CPA6: variants seen among roughly 807,000 people sequenced by gnomAD.
CPA6 encodes carboxypeptidase B.
A neutral mutation model predicts 63.3 loss-of-function variants in CPA6; 58 were observed. The observed-to-expected ratio is 0.92, with a 90% CI of 0.74 to 1.14. The LOEUF is 1.14. Among genes scored for constraint, CPA6 ranks in the 50% most tolerant of loss-of-function variants. The probability of loss-of-function intolerance (pLI) is 0.00; values close to 1 mark genes in which losing one functional copy is unlikely to be tolerated. For synonymous variants in CPA6, 185 were observed against 179.0 expected, an observed-to-expected ratio of 1.03 and a Z score of -0.27; for missense variants, 565 against 526.6, an observed-to-expected ratio of 1.07 and a Z score of -0.71.
chr8:67,542,168 T>G (rs1223541497), intron 2 of CPA6, among the ~76,000 whole-genome samples: 1 of 152,256 alleles, frequency 6.6e-6, no homozygotes, highest in Non-Finnish European at 1.5e-5. Context: ...CACAGGAATC[T>G]ACCTTTTTAA....
At chr8:67,441,458 C>T (rs914469670) in intron 8 of CPA6, among the ~76,000 whole-genome samples, 4 of 152,064 alleles carry the variant, frequency 2.6e-5, no homozygotes, top group African/African-American at 9.7e-5. Context: ...GACAAAAATA[C>T]CAGCCCCAGG....
At chr8:67,688,485 G>C (rs935241926) in intron 1 of CPA6, among the ~76,000 whole-genome samples, 1 of 152,118 alleles carries the variant, frequency 6.6e-6, no homozygotes, top group Non-Finnish European at 1.5e-5. Context: ...AAAATCGAAA[G>C]CTTAGAAACA....
chr8:67,637,211 C>T lies in CPA6; in HGVS notation c.117-12960G>A, dbSNP rs1206705437. 5.3e-5 allele frequency among the ~76,000 whole-genome samples: 8 copies of T among 151,726 alleles called. No individual in the cohort carries two copies. In the East Asian group the frequency reaches 7.7e-4, roughly 15 times the overall value. On this transcript the variant is annotated intron_variant, in intron 1 of 10. Coordinates refer to ENST00000297770, the MANE Select transcript of CPA6 (RefSeq NM_020361.5). The stretch of plus-strand genomic sequence containing the variant: ...TCACTTTATAACAGAAATTTTCTCA[C>T]GGTAGCTCACATGTAATGGTTGATC...
chr8:67,595,542 C>T lies in CPA6; in HGVS notation c.192+28634G>A, dbSNP rs999318795. 1.8e-4 allele frequency among the ~76,000 whole-genome samples: 27 copies of T among 152,342 alleles called. 1 individual carries two copies. Among genetic ancestry groups the T allele is most frequent in the East Asian group, 1.7e-3 (9 of 5,168 alleles). ...GAGCTGTGGTGGGCTCCACCCAGTT[C>T]GAGCTTCCCGGCTGCTTTGTTTACC... On this transcript the variant is annotated intron_variant, in intron 2 of 10. Transcript: ENST00000297770.
intron 1 of CPA6, among the ~76,000 whole-genome samples, chr8:67,687,908 C>T (rs1393717675): frequency 6.6e-6 from 1 of 152,034 alleles, no homozygotes; most frequent in African/African-American, 2.4e-5. Flanking sequence ...TACAGTCAGC[C>T]CTAAGTAAGG....
chr8:67,422,411 G>T lies in CPA6; in HGVS notation c.*93C>A. On this transcript the variant is annotated 3_prime_UTR_variant, in exon 11 of 11. Transcript: ENST00000297770. ...AAGTCCATAGACATGTTCACTCTAAGCAGCTGCCCTTCTCTTTGAAAACAA... is the reference window on the plus strand; with the variant it reads ...AAGTCCATAGACATGTTCACTCTAATCAGCTGCCCTTCTCTTTGAAAACAA... 1 of 1,083,626 alleles carries T rather than the reference G, an allele frequency of 9.2e-7. No individual in the cohort carries two copies. The highest frequency in any genetic ancestry group is 1.4e-6 in the Non-Finnish European group (1 of 737,580). The allele number at this position is 1,083,626 out of a possible 1,614,324, so 67.1% of individuals were successfully genotyped here. A position where few individuals can be genotyped will look rare whatever the true frequency, so the allele number is the denominator to read the frequency against.
At chr8:67,453,694 TCTAACACC>T (rs1009366411) in intron 8 of CPA6, among the ~76,000 whole-genome samples, 1 of 151,864 alleles carries the variant, frequency 6.6e-6, no homozygotes, top group African/African-American at 2.4e-5. Flanking sequence ...TGGCGTCTTC[TCTAACACC>T]CTGAGGCTGG....
intron 8 of CPA6, among the ~76,000 whole-genome samples, chr8:67,439,973 G>A (rs756843556): frequency 6.6e-6 from 1 of 152,120 alleles, no homozygotes; most frequent in Non-Finnish European, 1.5e-5. Context: ...AAAAAAGTGT[G>A]GTGTAAGTAG....
rs149801851 is a variant in CPA6, at chr8:67,474,617, A to T, written c.838+9151T>A. 1.4e-4 allele frequency among the ~76,000 whole-genome samples: 21 copies of T among 152,274 alleles called. No homozygotes were observed. The East Asian group carries it at 3.5e-3, about 25-fold the overall frequency. On this transcript the variant is annotated intron_variant, in intron 8 of 10. Coordinates refer to ENST00000297770, the MANE Select transcript of CPA6 (RefSeq NM_020361.5). The stretch of plus-strand genomic sequence containing the variant: ...CCTATGCCCATAATGCACACTACTG[A>T]CTTCATTCTTAGAGAAACTGAAAGG...
chr8:67,423,344 C>T (rs1809810960), intron 10 of CPA6, among the ~76,000 whole-genome samples: 1 of 152,238 alleles, frequency 6.6e-6, no homozygotes. Context: ...CTTGGCCTCC[C>T]AAAGTGCTGG....
intron 9 of CPA6, chr8:67,429,684 T>A (rs1809975234): frequency 6.6e-6 from 1 of 152,170 alleles, no homozygotes; most frequent in Admixed American, 6.5e-5. Flanking sequence ...GATTTTAACA[T>A]CTTCTCCAAC....
At chr8:67,535,772 T>C (rs1016231882) in intron 2 of CPA6, among the ~76,000 whole-genome samples, 16 of 152,224 alleles carry the variant, frequency 1.1e-4, no homozygotes, top group Non-Finnish European at 5.9e-5. Flanking sequence ...AGTCATGAAG[T>C]ATTTGCCCAC....
At chr8:67,524,613 C>CATTTTT (rs1554670781) in intron 2 of CPA6, among the ~76,000 whole-genome samples, 3 of 149,814 alleles carry the variant, frequency 2.0e-5, no homozygotes, top group Non-Finnish European at 1.5e-5. Context: ...TTTGAAAAAA[C>CATTTTT]TTTTTTTGTT....
chr8:67,512,122 A>G (rs1012853048), intron 3 of CPA6, among the ~76,000 whole-genome samples: 1 of 152,198 alleles, frequency 6.6e-6, no homozygotes, highest in African/African-American at 2.4e-5. Context: ...ATATCCCTCT[A>G]CTGGTCAGTG....
Position 67,737,610 on chromosome 8 carries a change from C to A in CPA6, c.116+8404G>T, listed in dbSNP as rs927630109. Among the ~76,000 whole-genome samples, 4 of 152,260 alleles carry A rather than the reference C, an allele frequency of 2.6e-5. No homozygotes were observed. The East Asian group carries it at 7.7e-4, about 29-fold the overall frequency. The stretch of plus-strand genomic sequence containing the variant: ...CCCAGGGTTGGAACTGTTTGTTTAC[C>A]TGCCTGAGTTACTCATTATGCTGTG... On this transcript the variant is annotated intron_variant, in intron 1 of 10. Coordinates refer to ENST00000297770, the MANE Select transcript of CPA6 (RefSeq NM_020361.5).
intron 2 of CPA6, among the ~76,000 whole-genome samples, chr8:67,559,128 A>T (rs560827567): frequency 6.6e-6 from 1 of 152,218 alleles, no homozygotes; most frequent in South Asian, 2.1e-4. Flanking sequence ...AACTTTTGGG[A>T]TGTTGTATTT....
At chr8:67,450,429 T>C (rs2128955640) in intron 8 of CPA6, among the ~76,000 whole-genome samples, 1 of 152,350 alleles carries the variant, frequency 6.6e-6, no homozygotes, top group East Asian at 1.9e-4. Flanking sequence ...AGTAATCTAA[T>C]TTCCATCCTC....
intron 8 of CPA6, among the ~76,000 whole-genome samples, chr8:67,443,589 C>A (rs889721552): frequency 1.3e-5 from 2 of 152,124 alleles, no homozygotes; most frequent in Non-Finnish European, 2.9e-5. Context: ...GCAACCATCA[C>A]CATTATCTAA....
intron 1 of CPA6, among the ~76,000 whole-genome samples, chr8:67,645,759 G>T (rs760405710): frequency 2.6e-5 from 4 of 152,102 alleles, no homozygotes; most frequent in Non-Finnish European, 5.9e-5. Context: ...AATTTTCCCA[G>T]GTCTTCTGAT....
Sources: allele counts gnomAD v4.1 joint callset (sites outside exome capture counted in the v4.1 genomes callset), GRCh38; gene constraint gnomAD v4.1.1; transcripts MANE v1.5; gene names NCBI Gene and HGNC (gene_info 2026-07-23, HGNC 2026-07-21).